PIWIL4: variants seen among roughly 807,000 people sequenced by gnomAD.
The protein encoded by PIWIL4 is piwi like RNA-mediated gene silencing 4, also known as piwi-like protein 4.
In PIWIL4, 50 loss-of-function variants were observed where a neutral mutation model predicts 100.9. The ratio of observed to expected loss-of-function variants is 0.50; its 90% CI spans 0.39 to 0.63. The LOEUF is 0.63. Ranked by LOEUF, PIWIL4 falls within the 20% of genes least tolerant of loss-of-function variation. The pLI, the probability that PIWIL4 is intolerant of heterozygous loss-of-function variation, is 0.00. For missense variants in PIWIL4, 887 were observed against 1,043.3 expected, an observed-to-expected ratio of 0.85 and a Z score of 2.06; for synonymous variants, 342 against 367.5, an observed-to-expected ratio of 0.93 and a Z score of 0.79.
chr11:94,568,931 TC>T lies in PIWIL4; in HGVS notation c.166+127del, dbSNP rs1948111395. On this transcript the variant is annotated intron_variant, in intron 2 of 19. Transcript: ENST00000299001. Reference sequence around the variant, plus strand: ...ATCCTGATTTCCTTTCCTTGAAGGATCCCCTTTGTCATGTTCCTTTGGGACT... The same window carrying T: ...ATCCTGATTTCCTTTCCTTGAAGGATCCCTTTGTCATGTTCCTTTGGGACT... The T allele has an allele frequency of 4.9e-6, 4 of 815,030 alleles. No individual in the cohort carries two copies. The Admixed American group carries it at 6.7e-5, about 14-fold the overall frequency. The allele number at this position is 815,030 out of a possible 1,614,324, so 50.5% of individuals were successfully genotyped here. A position where few individuals can be genotyped will look rare whatever the true frequency, so the allele number is the denominator to read the frequency against.
rs1257918344 is a variant in PIWIL4 at position 94,619,805 on chromosome 11, A to C, written c.2214A>C (p.Arg738=). 1 of 1,614,210 alleles carries C rather than the reference A, an allele frequency of 6.2e-7. No individual in the cohort carries two copies. The highest frequency in any genetic ancestry group is 2.2e-5 in the East Asian group (1 of 44,888). The part of the protein sequence containing the change: ...VIVVRKKCMP[R]FFTEMNRTVQ... ...TGGTCAGGAAGAAGTGCATGCCACG[A>C]TTCTTTACCGAAATGAACCGCACTG... Residue 738 remains arginine (R), a synonymous_variant, in exon 18 of 20, where the codon CGA becomes CGC. Coordinates refer to ENST00000299001, the MANE Select transcript of PIWIL4 (RefSeq NM_152431.3).
At chr11:94,606,546 T>C (rs1266273902) in intron 13 of PIWIL4, among the ~76,000 whole-genome samples, 1 of 152,000 alleles carries the variant, frequency 6.6e-6, no homozygotes, top group African/African-American at 2.4e-5. Flanking sequence ...GAAGTAGGAG[T>C]AGGCCAGGGG....
At chr11:94,600,787 A>G (rs1259123621) in intron 11 of PIWIL4, among the ~76,000 whole-genome samples, 1 of 152,174 alleles carries the variant, frequency 6.6e-6, no homozygotes, top group East Asian at 1.9e-4. Flanking sequence ...GCCAGTTCAG[A>G]GACCTACTCC....
intron 17 of PIWIL4, among the ~76,000 whole-genome samples, chr11:94,619,177 G>T (rs1054839117): frequency 6.6e-6 from 1 of 152,332 alleles, no homozygotes; most frequent in South Asian, 2.1e-4. Flanking sequence ...CCCAGAGGAT[G>T]TAAGGATGCC....
At chr11:94,620,192 C>A in intron 19 of PIWIL4, 48 bp downstream of exon 19, 1 of 1,514,190 alleles carries the variant, frequency 6.6e-7, no homozygotes, top group Non-Finnish European at 8.9e-7. Flanking sequence ...TCAAGAGTCC[C>A]ACCTAGGAAT....
intron 1 of PIWIL4, among the ~76,000 whole-genome samples, chr11:94,567,973 G>A (rs1033383874): frequency 1.3e-5 from 2 of 151,918 alleles, no homozygotes; most frequent in South Asian, 4.2e-4. Context: ...TGGCTAATTA[G>A]TATATAAAAA....
At chr11:94,587,003 C>T (rs377010536) in intron 6 of PIWIL4, 47 bp from the exon 7 acceptor site, 65 of 1,410,566 alleles carry the variant, frequency 4.6e-5, no homozygotes, top group East Asian at 3.9e-4. Flanking sequence ...ATTGTGTTTC[C>T]GGTATAACAT....
chr11:94,569,991 C>A (rs770548640), intron 2 of PIWIL4, among the ~76,000 whole-genome samples: 1 of 152,092 alleles, frequency 6.6e-6, no homozygotes, highest in Non-Finnish European at 1.5e-5. Context: ...AAAATCTGAA[C>A]GGCATATAAA....
intron 15 of PIWIL4, among the ~76,000 whole-genome samples, chr11:94,610,010 T>C (rs1219159965): frequency 1.3e-5 from 2 of 152,136 alleles, no homozygotes; most frequent in East Asian, 3.8e-4. Context: ...ACTGAAAGTT[T>C]GTACCCTTCA....
intron 11 of PIWIL4, among the ~76,000 whole-genome samples, chr11:94,598,925 C>T (rs1230645682): frequency 2.0e-5 from 3 of 152,064 alleles, no homozygotes; most frequent in Non-Finnish European, 4.4e-5. Context: ...CCAGGCTGGC[C>T]TTGAACTCCT....
chr11:94,617,116 G>C (rs1591807246), intron 16 of PIWIL4, among the ~76,000 whole-genome samples: 1 of 152,074 alleles, frequency 6.6e-6, no homozygotes, highest in East Asian at 1.9e-4. Flanking sequence ...TCCCTCTCCT[G>C]ATCTGCATTT....
rs761856703 is a variant in PIWIL4, at chr11:94,616,471, TTA to T, written c.1944-20_1944-19del. ...GAAAAATTGAAGTTGAATTTTACTTTTATTTTTTTTTTTAACTTTAGGTGGTT... is the reference window on the plus strand; with the variant it reads ...GAAAAATTGAAGTTGAATTTTACTTTTTTTTTTTTTTAACTTTAGGTGGTT... On this transcript the variant is annotated intron_variant, in intron 15 of 19. Coordinates refer to ENST00000299001, the MANE Select transcript of PIWIL4 (RefSeq NM_152431.3). 35 of 1,565,250 alleles carry T rather than the reference TTA, an allele frequency of 2.2e-5. No homozygotes were observed. In the East Asian group the frequency reaches 2.3e-4, roughly 10 times the overall value.
chr11:94,616,615 C>G (rs1417882888), intron 16 of PIWIL4, 52 bp downstream of exon 16: 14 of 1,407,242 alleles, frequency 9.9e-6, no homozygotes, highest in Non-Finnish European at 1.4e-5. Context: ...TCCTTCAGAC[C>G]TCAAATCCAC....
rs141466248 is a variant in PIWIL4 at position 94,575,047 on chromosome 11, G to C, written c.215G>C (p.Arg72Thr). Reference protein sequence around the residue: ...SGDAGSTFMERGVKNKQDFMD... With the variant: ...SGDAGSTFMETGVKNKQDFMD... The stretch of plus-strand genomic sequence containing the variant: ...GATGCTGGAAGTACCTTCATGGAAA[G>C]AGGTGTGAAAAACAAACAGGACTTT... Residue 72 changes from arginine (R) to threonine (T), a missense_variant, in exon 3 of 20, where the codon AGA (arginine) becomes ACA (threonine). By Grantham distance (71) the Arg-to-Thr change is moderately conservative. This residue lies in a region of PIWIL4 where 146 missense variants were observed against 113.4 expected (regional missense o/e 1.29). Transcript: ENST00000299001. The C allele has an allele frequency of 5.6e-6, 9 of 1,613,370 alleles. No individual in the cohort carries two copies. The African/African-American group carries it at 1.1e-4, about 19-fold the overall frequency.
At chr11:94,601,731 GTCTT>G in intron 11 of PIWIL4, 60 bp from the exon 12 acceptor site, 5 of 1,546,394 alleles carry the variant, frequency 3.2e-6, no homozygotes, top group Non-Finnish European at 4.4e-6. Flanking sequence ...TCTTCACACT[GTCTT>G]TATTTAGCTG....
intron 16 of PIWIL4, among the ~76,000 whole-genome samples, chr11:94,616,873 T>C (rs1382119277): frequency 6.6e-6 from 1 of 152,186 alleles, no homozygotes; most frequent in Non-Finnish European, 1.5e-5. Flanking sequence ...ACTCGAGTTA[T>C]GACAGAGCAA....
intron 14 of PIWIL4, chr11:94,608,124 T>A (rs1948744858): frequency 5.6e-6 from 1 of 178,202 alleles, no homozygotes; most frequent in Non-Finnish European, 1.2e-5. Context: ...TTTCCTTACA[T>A]GTCCATAACC....
chr11:94,601,160 G>A (rs554167542), intron 11 of PIWIL4, among the ~76,000 whole-genome samples: 2 of 151,672 alleles, frequency 1.3e-5, no homozygotes, highest in East Asian at 3.9e-4. Context: ...AGTGATAAGT[G>A]TCCATGAAAT....
At chr11:94,577,902 AC>A in intron 4 of PIWIL4, among the ~76,000 whole-genome samples, 1 of 152,296 alleles carries the variant, frequency 6.6e-6, no homozygotes, top group Middle Eastern at 3.4e-3. Context: ...TTGCAAACTT[AC>A]CCTTGTTTGT....
Sources: gnomAD v4.1 joint callset for allele counts (sites outside exome capture counted in the v4.1 genomes callset) on GRCh38, gnomAD v4.1.1 for gene constraint, gnomAD v4.1.1 regional missense constraint, MANE v1.5 for transcripts, NCBI Gene and HGNC (gene_info 2026-07-23, HGNC 2026-07-21) for gene names.